Variants in GNAT2 observed in about 807,000 individuals in gnomAD.
The protein encoded by GNAT2 is guanine nucleotide-binding protein G(t) subunit alpha-2.
A neutral mutation model predicts 40.9 loss-of-function variants in GNAT2; 32 were observed. That is an observed-to-expected ratio of 0.78 (90% CI 0.59 to 1.05). The LOEUF is 1.05. Among genes scored for constraint, GNAT2 ranks in the 50% least tolerant of loss-of-function variants. GNAT2 has a pLI of 0.00. For synonymous variants in GNAT2, 141 were observed against 157.2 expected, an observed-to-expected ratio of 0.90 and a Z score of 0.77; for missense variants, 355 against 431.5, an observed-to-expected ratio of 0.82 and a Z score of 1.57.
At chr1:109,619,071 C>T (rs888525922) in intron 1 of GNAT2, among the ~76,000 whole-genome samples, 8 of 152,316 alleles carry the variant, frequency 5.3e-5, no homozygotes, top group African/African-American at 1.9e-4. Context: ...CTTCCCTCCA[C>T]AAGTTCCCTT....
At chr1:109,609,391 C>T (rs1006132188) in intron 4 of GNAT2, 15 of 173,530 alleles carry the variant, frequency 8.6e-5, no homozygotes, top group Admixed American at 4.9e-4. Context: ...TCAACACTTT[C>T]GGAGTCTGAG....
chr1:109,610,200 C>T lies in GNAT2; in HGVS notation c.162-19G>A. 6.2e-7 allele frequency: 1 copy of T among 1,613,538 alleles called. No individual in the cohort carries two copies. The highest frequency in any genetic ancestry group is 2.2e-5 in the East Asian group (1 of 44,884). ...AATGATCCTGCAAGGGGCAGACACT[C>T]TGTCTTTAGCTGGACCTGAGTAACC... On this transcript the variant is annotated intron_variant, in intron 3 of 8. Coordinates refer to ENST00000679935, the MANE Select transcript of GNAT2 (RefSeq NM_001377295.2).
chr1:109,615,058 G>T (rs1409101645), intron 1 of GNAT2: 1 of 152,202 alleles, frequency 6.6e-6, no homozygotes, highest in African/African-American at 2.4e-5. Flanking sequence ...TGTTCAAGGG[G>T]CTGCCTGGAA....
At chr1:109,608,818 C>A in intron 4 of GNAT2, 30 bp from the exon 5 acceptor site, 2 of 1,596,634 alleles carry the variant, frequency 1.3e-6, no homozygotes, top group Non-Finnish European at 1.7e-6. Context: ...TTAAGAACTT[C>A]ACAGGAGTAA....
At chr1:109,608,871 C>A in intron 4 of GNAT2, 83 bp from the exon 5 acceptor site, 1 of 1,019,992 alleles carries the variant, frequency 9.8e-7, no homozygotes, top group Non-Finnish European at 1.5e-6. Context: ...GAATGGAAAT[C>A]ATTTTACATT....
At chr1:109,613,299 A>C in intron 1 of GNAT2, 1 of 283,644 alleles carries the variant, frequency 3.5e-6, no homozygotes, top group Non-Finnish European at 6.9e-6. Flanking sequence ...ATTTATTTGC[A>C]TCATAGAGCT....
In GNAT2 at chr1:109,612,514, TC is replaced by T. The variant is rs966216234; in HGVS notation, c.118+238del. ...TTCATGGTGGCCCTTGCACTATTCC[TC>T]GCTCAAGAGTAGAAAAACTCTGGAA... On this transcript the variant is annotated intron_variant, in intron 2 of 8. Transcript: ENST00000679935. 2.3e-5 allele frequency: 12 copies of T among 521,568 alleles called. No individual in the cohort carries two copies. The African/African-American group carries it at 2.3e-4, about 10-fold the overall frequency. 32.3% of individuals were successfully genotyped at this position (521,568 alleles called of 1,614,324 possible). A position where few individuals can be genotyped will look rare whatever the true frequency, so the allele number is the denominator to read the frequency against.
chr1:109,616,329 C>T (rs1649950127), intron 1 of GNAT2: 1 of 152,202 alleles, frequency 6.6e-6, no homozygotes, highest in Non-Finnish European at 1.5e-5. Flanking sequence ...AGAAGCCAAG[C>T]CAGAGCTCAG....
intron 1 of GNAT2, chr1:109,617,444 T>G (rs1308075284): frequency 1.3e-5 from 2 of 152,242 alleles, no homozygotes. Flanking sequence ...CAATGAATGT[T>G]AAGGCCTCAG....
intron 1 of GNAT2, chr1:109,613,618 T>G (rs1205943962): frequency 6.5e-6 from 1 of 153,222 alleles, no homozygotes; most frequent in Non-Finnish European, 1.5e-5. Flanking sequence ...CTCACTGCAT[T>G]TCTCCCCCTG....
At position 109,603,856 on chromosome 1, in the gene GNAT2, C is replaced by T. The variant is rs1649508854; in HGVS notation, c.874+95G>A. On this transcript the variant is annotated intron_variant, in intron 8 of 8. Transcript: ENST00000679935. ...CCTGTAACTGTGCCCAAGGTTCTCC[C>T]TTAAGTTCCTTTGTGTCATCTTGGC... is the stretch of plus-strand genomic sequence containing the variant. 8.5e-6 allele frequency: 8 copies of T among 939,466 alleles called. No homozygotes were observed. In the Admixed American group the frequency reaches 1.4e-4, roughly 16 times the overall value. 58.2% of individuals were successfully genotyped at this position (939,466 alleles called of 1,614,324 possible).
At chr1:109,604,650 G>A (rs1649538601) in intron 7 of GNAT2, 2 of 163,266 alleles carry the variant, frequency 1.2e-5, no homozygotes, top group Admixed American at 5.7e-5. Context: ...CATACCACAA[G>A]CATTTCTGCT....
At chr1:109,608,477 G>C in intron 5 of GNAT2, 154 bp downstream of exon 5, 1 of 746,404 alleles carries the variant, frequency 1.3e-6, no homozygotes, top group Non-Finnish European at 2.4e-6. Flanking sequence ...CATTGCTGAA[G>C]CCTAACAAAA....
intron 7 of GNAT2, 43 bp from the exon 8 acceptor site, chr1:109,604,147 T>G (rs749844683): frequency 6.8e-7 from 1 of 1,474,256 alleles, no homozygotes; most frequent in South Asian, 1.1e-5. Context: ...ATTTGGCTTA[T>G]AGAATATCTA....
chr1:109,606,014 C>T lies in GNAT2; in HGVS notation c.676G>A (p.Ala226Thr), dbSNP rs1557918584. Residue 226 changes from alanine to threonine, a missense_variant, in exon 7 of 9, where the codon GCC becomes ACC. Ala to Thr is a moderately conservative substitution (Grantham distance 58). Coordinates refer to ENST00000679935, the MANE Select transcript of GNAT2 (RefSeq NM_001377295.2). ...EGVTCIIFCA[A>T]LSAYDMVLVE... ...AGCACCATATCATAGGCACTGAGGG[C>T]TGCACAGAAAATGATGCAGGTGACT... is the stretch of plus-strand genomic sequence containing the variant. 1.2e-6 allele frequency: 2 copies of T among 1,613,484 alleles called. No homozygotes were observed. Among genetic ancestry groups the T allele is most frequent in the Non-Finnish European group, 1.7e-6 (2 of 1,179,386 alleles).
chr1:109,607,764 T>C (rs1649656824), intron 5 of GNAT2: 1 of 152,270 alleles, frequency 6.6e-6, no homozygotes. Context: ...TTAACTTCTC[T>C]GAACTTCAGT....
chr1:109,606,461 T>A (rs757329539), intron 5 of GNAT2, 25 bp from the exon 6 acceptor site: 4 of 1,609,584 alleles, frequency 2.5e-6, no homozygotes, highest in Non-Finnish European at 3.4e-6. Flanking sequence ...TTAGCATCAA[T>A]GACAAATTTT....
chr1:109,608,825 G>A, intron 4 of GNAT2, 37 bp from the exon 5 acceptor site: 2 of 1,573,238 alleles, frequency 1.3e-6, no homozygotes, highest in Non-Finnish European at 1.7e-6. Flanking sequence ...CTTCACAGGA[G>A]TAATAGCTTT....
Position 109,610,074 on chromosome 1 carries a change from G to A in GNAT2, c.269C>T (p.Thr90Ile). Residue 90 changes from threonine to isoleucine, a missense_variant, in exon 4 of 9, where the codon ACA becomes ATA. Transcript: ENST00000679935. ...SILAIIRAMTTLGIDYAEPSC... is the reference protein window; with the variant it reads ...SILAIIRAMTILGIDYAEPSC... ...TGGTTCAGCATAATCGATGCCCAGT[G>A]TGGTCATGGCCCGGATGATAGCCAG... The A allele has an allele frequency of 6.2e-7, 1 of 1,613,950 alleles. No homozygotes were observed. Among genetic ancestry groups the A allele is most frequent in the Non-Finnish European group, 8.5e-7 (1 of 1,179,830 alleles).
Sources: gnomAD v4.1 joint callset for allele counts (sites outside exome capture counted in the v4.1 genomes callset) on GRCh38, gnomAD v4.1.1 for gene constraint, MANE v1.5 for transcripts, NCBI Gene and HGNC (gene_info 2026-07-23, HGNC 2026-07-21) for gene names.